SPNS2: variants seen among roughly 807,000 people sequenced by gnomAD.
SPNS2 encodes the protein SPNS lysolipid transporter 2, sphingosine-1-phosphate, also known as sphingosine-1-phosphate transporter SPNS2.
SPNS2 carries 37 observed loss-of-function variants against 57.6 expected under a neutral mutation model. The observed-to-expected ratio is 0.64, with a 90% CI of 0.49 to 0.85. SPNS2 has a LOEUF of 0.85. SPNS2 is among the 40% of genes least tolerant of loss of function. The pLI, the probability that SPNS2 is intolerant of heterozygous loss-of-function variation, is 0.00. For synonymous variants in SPNS2, 440 were observed against 346.9 expected (o/e 1.27, Z -2.98); for missense variants, 831 against 779.1 (o/e 1.07, Z -0.79).
At chr17:4,500,430 C>T (rs985147974) in intron 1 of SPNS2, among the ~76,000 whole-genome samples, 6 of 152,116 alleles carry the variant, frequency 3.9e-5, no homozygotes, top group East Asian at 1.9e-4. Context: ...TGAGCTGCTA[C>T]TGGTTGGGAA....
chr17:4,528,734 C>T (rs1469009613), intron 3 of SPNS2, among the ~76,000 whole-genome samples: 1 of 152,026 alleles, frequency 6.6e-6, no homozygotes, highest in Non-Finnish European at 1.5e-5. Context: ...GCCTTGACTT[C>T]CCAAAGTGCT....
At chr17:4,537,005 A>G in intron 12 of SPNS2, 59 bp downstream of exon 12, 1 of 1,583,492 alleles carries the variant, frequency 6.3e-7, no homozygotes, top group Non-Finnish European at 8.6e-7. Context: ...GGCCAGGGTT[A>G]GGCAACAGGG....
Position 4,499,803 on chromosome 17 carries a change from T to G in SPNS2, c.370+386T>G. On this transcript the variant is annotated intron_variant, in intron 1 of 12. Transcript: ENST00000329078. The surrounding 1 kb of genome is among the most constrained non-coding windows in gnomAD (Gnocchi z 5.2). ...GGTTCCCGGGCCTCCTTCCCTTCCCTTCCCCCAGCCCAGGTCGTCTGTCCG... is the reference window on the plus strand; with the variant it reads ...GGTTCCCGGGCCTCCTTCCCTTCCCGTCCCCCAGCCCAGGTCGTCTGTCCG... The G allele has an allele frequency of 3.0e-5, 5 of 165,010 alleles. No individual in the cohort carries two copies. The highest frequency in any genetic ancestry group is 6.5e-5 in the Non-Finnish European group (5 of 76,638). The allele number at this position is 165,010 out of a possible 1,614,324, so 10.2% of individuals were successfully genotyped here.
chr17:4,507,988 G>A (rs1489476215), intron 1 of SPNS2, among the ~76,000 whole-genome samples: 2 of 152,324 alleles, frequency 1.3e-5, no homozygotes, highest in Non-Finnish European at 2.9e-5. Flanking sequence ...CTGGAATCGG[G>A]GCTTGACTCC....
At chr17:4,526,584 C>T (rs1285245192) in intron 3 of SPNS2, among the ~76,000 whole-genome samples, 3 of 146,472 alleles carry the variant, frequency 2.0e-5, no homozygotes, top group African/African-American at 7.6e-5. Flanking sequence ...GCCTGGGTGA[C>T]AAGAGCAAAA....
chr17:4,532,901 T>C lies in SPNS2; in HGVS notation c.936-76T>C. On this transcript the variant is annotated intron_variant, in intron 6 of 12. Coordinates refer to ENST00000329078, the MANE Select transcript of SPNS2 (RefSeq NM_001124758.3). ...GACGAGGCATTTGGGGGCCTCCTGTTCCCCCAGTGCATGGGGCTGCCTAGG... is the reference window on the plus strand; with the variant it reads ...GACGAGGCATTTGGGGGCCTCCTGTCCCCCCAGTGCATGGGGCTGCCTAGG... 4 of 1,531,472 alleles carry C rather than the reference T, an allele frequency of 2.6e-6. No individual in the cohort carries two copies. The South Asian group carries it at 5.0e-5, about 19-fold the overall frequency. 94.9% of individuals were successfully genotyped at this position (1,531,472 alleles called of 1,614,324 possible).
At chr17:4,500,661 G>C (rs369781973) in intron 1 of SPNS2, among the ~76,000 whole-genome samples, 2 of 152,028 alleles carry the variant, frequency 1.3e-5, no homozygotes, top group Non-Finnish European at 2.9e-5. Flanking sequence ...AGAACTTTGC[G>C]GCAATTGAGG....
intron 1 of SPNS2, among the ~76,000 whole-genome samples, chr17:4,501,899 C>A (rs1396798682): frequency 6.6e-6 from 1 of 152,096 alleles, no homozygotes; most frequent in Middle Eastern, 3.2e-3. Flanking sequence ...TAACTCTGTC[C>A]TTTAAATCTG....
At chr17:4,523,172 C>T (rs1185683103) in intron 2 of SPNS2, among the ~76,000 whole-genome samples, 1 of 152,258 alleles carries the variant, frequency 6.6e-6, no homozygotes, top group African/African-American at 2.4e-5. Flanking sequence ...GGTGCAGTGG[C>T]TCACGCCTGT....
rs369968004 is a variant in SPNS2, at chr17:4,536,150, C to T, written c.1419C>T (p.Ala473=). ...QSFTSHLLGD[A]GSPYLIGFIS... is the part of the protein sequence containing the mutation. ...TCACCTCCCACCTGCTGGGGGACGC[C>T]GGGAGCCCCTACCTCATTGGCTTTG... The change falls in exon 10 of 13, where the codon GCC becomes GCT. Residue 473 remains alanine, a synonymous_variant. Transcript: ENST00000329078. The T allele has an allele frequency of 2.3e-4, 372 of 1,612,448 alleles. No homozygotes were observed. The highest frequency in any genetic ancestry group is 5.4e-4 in the East Asian group (24 of 44,836).
chr17:4,503,469 C>T (rs1298107026), intron 1 of SPNS2, among the ~76,000 whole-genome samples: 3 of 152,232 alleles, frequency 2.0e-5, no homozygotes, highest in Non-Finnish European at 4.4e-5. Context: ...CCCCCTCTAA[C>T]TAGCTCTGCT....
In SPNS2 at chr17:4,499,014, C is replaced by G. The variant is rs1904359582; in HGVS notation, c.-34C>G. The G allele has an allele frequency of 2.0e-6, 2 of 992,992 alleles. No individual in the cohort carries two copies. The highest frequency in any genetic ancestry group is 6.1e-5 in the Admixed American group (1 of 16,476). 61.5% of individuals were successfully genotyped at this position (992,992 alleles called of 1,614,324 possible). A position where few individuals can be genotyped will look rare whatever the true frequency, so the allele number is the denominator to read the frequency against. On this transcript the variant is annotated 5_prime_UTR_variant, in exon 1 of 13. Transcript: ENST00000329078. This position sits in a 1 kb window ranked among gnomAD's most constrained non-coding sequence, Gnocchi z 5.2. ...GCGGGCCCAGCCTGGGCCCCGCGCC[C>G]CCCGCGCCCCCCGCCGCCCCGATCC...
rs1221005222 is a variant in SPNS2 at position 4,510,713 on chromosome 17, C to T, written c.371-2534C>T. Among the ~76,000 whole-genome samples the T allele has an allele frequency of 2.6e-5, 4 of 152,162 alleles. No individual in the cohort carries two copies. The highest frequency in any genetic ancestry group is 4.4e-5 in the Non-Finnish European group (3 of 68,034). ...CCTCTTGTCCACCCGACACCAAAAT[C>T]GTGACTGTCCCTGCTCTGAGTCCTG... On this transcript the variant is annotated intron_variant, in intron 1 of 12. Coordinates refer to ENST00000329078, the MANE Select transcript of SPNS2 (RefSeq NM_001124758.3). This position sits in a 1 kb window ranked among gnomAD's most constrained non-coding sequence, Gnocchi z 4.4.
chr17:4,519,362 G>T (rs1170723605), intron 2 of SPNS2, among the ~76,000 whole-genome samples: 2 of 152,178 alleles, frequency 1.3e-5, no homozygotes, highest in Middle Eastern at 3.2e-3. Flanking sequence ...GGGGTCCTGG[G>T]GCTGCCCACC....
rs565618019 is a variant in SPNS2 at position 4,538,579 on chromosome 17, C to T, written c.*1131C>T. 1 of 388,324 alleles carries T rather than the reference C, an allele frequency of 2.6e-6. No homozygotes were observed. Among genetic ancestry groups the T allele is most frequent in the Non-Finnish European group, 4.7e-6 (1 of 210,818 alleles). 24.1% of individuals were successfully genotyped at this position (388,324 alleles called of 1,614,324 possible). On this transcript the variant is annotated 3_prime_UTR_variant, in exon 13 of 13. Coordinates refer to ENST00000329078, the MANE Select transcript of SPNS2 (RefSeq NM_001124758.3). ...CGCTTTGGGGGAGCTTAGCCCCCTG[C>T]GTCACCCACTCCCTGCACTTCTGCT...
At chr17:4,513,733 C>T (rs1476636574) in intron 2 of SPNS2, among the ~76,000 whole-genome samples, 2 of 152,222 alleles carry the variant, frequency 1.3e-5, no homozygotes, top group Non-Finnish European at 1.5e-5. Flanking sequence ...CCCCACATTC[C>T]TTCCAATATC....
chr17:4,536,637 C>A, intron 11 of SPNS2: 1 of 697,404 alleles, frequency 1.4e-6, no homozygotes, highest in Non-Finnish European at 2.4e-6. Context: ...TGGATCCAGA[C>A]TTGGGTTTGT....
intron 2 of SPNS2, among the ~76,000 whole-genome samples, chr17:4,518,978 G>A (rs1055203242): frequency 3.9e-5 from 6 of 152,130 alleles, no homozygotes; most frequent in African/African-American, 7.2e-5. Flanking sequence ...TCCTTCCACC[G>A]GGAAGTCTGA....
chr17:4,538,955 G>A lies in SPNS2; in HGVS notation c.*1507G>A, dbSNP rs748652173. 1.3e-6 allele frequency: 1 copy of A among 785,746 alleles called. No individual in the cohort carries two copies. The allele number at this position is 785,746 out of a possible 1,614,324, so 48.7% of individuals were successfully genotyped here. A position where few individuals can be genotyped will look rare whatever the true frequency, so the allele number is the denominator to read the frequency against. ...AACTGCTCCTTTATTTTTTAGAGCT[G>A]CTGATTGTGAATCTCAGAGTCTTAA... On this transcript the variant is annotated 3_prime_UTR_variant, in exon 13 of 13. Transcript: ENST00000329078.
Sources: allele counts gnomAD v4.1 joint callset (sites outside exome capture counted in the v4.1 genomes callset), GRCh38; gene constraint gnomAD v4.1.1; non-coding constraint Gnocchi (gnomAD v3.1); transcripts MANE v1.5; gene names NCBI Gene and HGNC (gene_info 2026-07-23, HGNC 2026-07-21).